EYS: variants seen among roughly 807,000 people sequenced by gnomAD.
EYS encodes EGF-like photoreceptor maintenance factor, also known as protein eyes shut homolog.
Under a neutral mutation model 282.1 loss-of-function variants are expected in EYS, and 250 were observed. The ratio of observed to expected loss-of-function variants is 0.89; its 90% confidence interval spans 0.80 to 0.98. The LOEUF is 0.98. EYS is among the 50% of genes least tolerant of loss of function. EYS has a pLI of 0.00. For missense variants in EYS, 4,016 were observed against 3,709.0 expected, an observed-to-expected ratio of 1.08 and a Z score of -2.15; for synonymous variants, 1,355 against 1,282.9, an observed-to-expected ratio of 1.06 and a Z score of -1.20.
intron 13 of EYS, among the ~76,000 whole-genome samples, chr6:65,024,658 C>CAAAAAGTTGGAAATAAT (rs1772346986): frequency 1.3e-5 from 2 of 151,912 alleles, no homozygotes; most frequent in Admixed American, 1.3e-4. Flanking sequence ...ACTAAGTTGC[C>CAAAAAGTTGGAAATAAT]AAAAAGTTGG....
Position 65,146,306 on chromosome 6 carries a change from C to T in EYS, c.2024-88579G>A, listed in dbSNP as rs576773794. The stretch of plus-strand genomic sequence containing the variant: ...AAAGAAAATAACTGACATAAACAAT[C>T]GCAAAAACAAAAATAATAATGATCC... On this transcript the variant is annotated intron_variant, in intron 12 of 42. Coordinates refer to ENST00000503581, the MANE Select transcript of EYS (RefSeq NM_001142800.2). Among the ~76,000 whole-genome samples, 26 of 151,816 alleles carry T rather than the reference C, an allele frequency of 1.7e-4. No individual in the cohort carries two copies. In the South Asian group the frequency reaches 2.1e-3, roughly 12 times the overall value.
intron 33 of EYS, among the ~76,000 whole-genome samples, chr6:64,024,129 C>A (rs553058518): frequency 6.6e-6 from 1 of 152,214 alleles, no homozygotes; most frequent in African/African-American, 2.4e-5. Flanking sequence ...AGGCGCAGGG[C>A]GCAGGACTGG....
chr6:65,601,291 T>C (rs962244824), intron 2 of EYS, among the ~76,000 whole-genome samples: 5 of 152,038 alleles, frequency 3.3e-5, no homozygotes, highest in Non-Finnish European at 5.9e-5. Flanking sequence ...GAAAAAATTA[T>C]AACAATAGCA....
chr6:64,822,590 A>C, intron 20 of EYS, 61 bp downstream of exon 20: 1 of 1,289,106 alleles, frequency 7.8e-7, no homozygotes, highest in Non-Finnish European at 1.1e-6. Context: ...CTTGATGTTA[A>C]GTCTTAAATA....
intron 29 of EYS, among the ~76,000 whole-genome samples, chr6:64,362,643 A>G (rs1249420318): frequency 6.6e-6 from 1 of 151,878 alleles, no homozygotes; most frequent in East Asian, 1.9e-4. Flanking sequence ...TTTAATTATT[A>G]GAATAGACCA....
At chr6:64,809,078 A>C (rs1764517787) in intron 22 of EYS, among the ~76,000 whole-genome samples, 1 of 152,226 alleles carries the variant, frequency 6.6e-6, no homozygotes, top group South Asian at 2.1e-4. Flanking sequence ...GCCTTATTTA[A>C]AATAGTCTTA....
At chr6:65,363,877 C>T (rs913125217) in intron 8 of EYS, among the ~76,000 whole-genome samples, 3 of 151,424 alleles carry the variant, frequency 2.0e-5, no homozygotes, top group African/African-American at 4.8e-5. Context: ...AAATTTTACC[C>T]CACTGATTTC....
intron 41 of EYS, among the ~76,000 whole-genome samples, chr6:63,755,758 C>A (rs1769463686): frequency 6.6e-6 from 1 of 152,200 alleles, no homozygotes; most frequent in South Asian, 2.1e-4. Context: ...TCTTCCTACC[C>A]ATGAGCATGG....
intron 26 of EYS, among the ~76,000 whole-genome samples, chr6:64,486,214 C>T (rs979416754): frequency 1.3e-5 from 2 of 151,344 alleles, no homozygotes; most frequent in African/African-American, 4.8e-5. Flanking sequence ...CAAAGTAAAG[C>T]GAGAATACAG....
intron 30 of EYS, among the ~76,000 whole-genome samples, chr6:64,296,567 TATATATATATATATATACATATA>T (rs1561913614): frequency 4.4e-4 from 3 of 6,780 alleles, no homozygotes; most frequent in African/African-American, 2.1e-3. Flanking sequence ...TATATATATA[TATATATATATATATATACATATA>T]TATATATATT....
At chr6:63,924,068 C>G (rs1040308624) in intron 35 of EYS, among the ~76,000 whole-genome samples, 6 of 151,868 alleles carry the variant, frequency 4.0e-5, no homozygotes, top group Admixed American at 2.6e-4. Flanking sequence ...AAGGAATTCT[C>G]TAAAGCTTAT....
At chr6:64,957,863 T>C (rs1769764388) in intron 14 of EYS, among the ~76,000 whole-genome samples, 1 of 152,160 alleles carries the variant, frequency 6.6e-6, no homozygotes, top group Admixed American at 6.5e-5. Context: ...AATAATATGG[T>C]ATTTGCTTAT....
rs1487775766 is a variant in EYS, at chr6:64,439,283, T to C, written c.5714A>G (p.Asn1905Ser). Residue 1905 changes from asparagine (N) to serine (S), a missense_variant, in exon 27 of 43, where the codon AAT becomes AGT. By Grantham distance (46) the Asn-to-Ser change is conservative. Coordinates refer to ENST00000503581, the MANE Select transcript of EYS (RefSeq NM_001142800.2). ...GGTCTGAAATTCTAGGGAGATGTTA[T>C]TTTGTGGATTTAAAGCCACATTCTG... is the stretch of plus-strand genomic sequence containing the variant. The part of the protein sequence containing the change: ...EFQNVALNPQ[N>S]NISLEFQTFS... The C allele has an allele frequency of 5.2e-6, 8 of 1,526,254 alleles. No individual in the cohort carries two copies. Among genetic ancestry groups the C allele is most frequent in the African/African-American group, 1.4e-5 (1 of 71,548 alleles). The allele number at this position is 1,526,254 out of a possible 1,614,324, so 94.5% of individuals were successfully genotyped here. A position where few individuals can be genotyped will look rare whatever the true frequency, so the allele number is the denominator to read the frequency against.
In EYS at chr6:64,336,878, T is replaced by C. The variant is rs886220083; in HGVS notation, c.6079-29796A>G. ...AAATAACCTGCTTCTGAATGAACAC[T>C]GGGTCAAAAACGAAGACAAGATGGA... On this transcript the variant is annotated intron_variant, in intron 29 of 42. Transcript: ENST00000503581. 2.6e-5 allele frequency among the ~76,000 whole-genome samples: 4 copies of C among 152,196 alleles called. No homozygotes were observed. In the East Asian group the frequency reaches 5.8e-4, roughly 22 times the overall value.
chr6:65,326,966 T>G (rs1769639801), intron 11 of EYS, among the ~76,000 whole-genome samples: 1 of 151,704 alleles, frequency 6.6e-6, no homozygotes, highest in South Asian at 2.1e-4. Flanking sequence ...TTTACTATAT[T>G]CATAATCATA....
chr6:65,171,149 A>C (rs1347932376), intron 12 of EYS, among the ~76,000 whole-genome samples: 1 of 151,608 alleles, frequency 6.6e-6, no homozygotes, highest in Non-Finnish European at 1.5e-5. Flanking sequence ...AGGCAGCTTT[A>C]GGAAAGCATG....
At chr6:65,034,450 T>G (rs1772703766) in intron 13 of EYS, among the ~76,000 whole-genome samples, 1 of 152,134 alleles carries the variant, frequency 6.6e-6, no homozygotes, top group African/African-American at 2.4e-5. Flanking sequence ...AAATGGGGCC[T>G]GGTGGGAGGT....
At chr6:65,077,068 C>T (rs916635318) in intron 12 of EYS, among the ~76,000 whole-genome samples, 3 of 151,882 alleles carry the variant, frequency 2.0e-5, no homozygotes, top group Non-Finnish European at 4.4e-5. Flanking sequence ...TATGGGTTAC[C>T]TGTAGTCACG....
At chr6:65,036,264 A>G (rs1391422380) in intron 13 of EYS, among the ~76,000 whole-genome samples, 3 of 151,982 alleles carry the variant, frequency 2.0e-5, no homozygotes. Context: ...TGCTGAGATA[A>G]CTAGCTAGCT....
Sources: gnomAD v4.1 joint callset for allele counts (sites outside exome capture counted in the v4.1 genomes callset) on GRCh38, gnomAD v4.1.1 for gene constraint, MANE v1.5 for transcripts, NCBI Gene and HGNC (gene_info 2026-07-23, HGNC 2026-07-21) for gene names.